The following TUSC3 variants were observed in gnomAD, a reference collection of about 807,000 sequenced individuals.
The protein encoded by TUSC3 is dolichyl-diphosphooligosaccharide--protein glycosyltransferase subunit TUSC3.
Under a neutral mutation model 44.8 loss-of-function variants are expected in TUSC3, and 45 were observed. The ratio of observed to expected loss-of-function variants is 1.00; its 90% CI spans 0.79 to 1.29. The LOEUF is 1.29. TUSC3 is among the 50% of genes most tolerant of loss of function. The pLI, the probability that TUSC3 is intolerant of heterozygous loss-of-function variation, is 0.00. For synonymous variants in TUSC3, 212 were observed against 152.9 expected, an observed-to-expected ratio of 1.39 and a Z score of -2.85; for missense variants, 519 against 437.9, an observed-to-expected ratio of 1.19 and a Z score of -1.65.
the TUSC3 span, among the ~76,000 whole-genome samples, chr8:15,799,746 G>T: frequency 9.1e-3 from 1,383 of 152,276 alleles, 61 homozygotes; most frequent in East Asian, 0.13. Flanking sequence ...TGCCAGAACT[G>T]TCAAGGACTA....
intron 2 of TUSC3, among the ~76,000 whole-genome samples, chr8:15,647,800 T>C (rs1305571436): frequency 2.6e-5 from 4 of 152,238 alleles, no homozygotes; most frequent in South Asian, 4.1e-4. Context: ...CGTGCAATTT[T>C]AAATAGAAAA....
intron 9 of TUSC3, among the ~76,000 whole-genome samples, chr8:15,749,732 G>GTTTTTTT (rs71211080): frequency 7.1e-6 from 1 of 140,386 alleles, no homozygotes; most frequent in African/African-American, 2.6e-5. Flanking sequence ...GAAAGATGAA[G>GTTTTTTT]TTTTTTTTTT....
At chr8:15,797,626 T>C in the TUSC3 span, among the ~76,000 whole-genome samples, 313 of 152,308 alleles carry the variant, frequency 2.1e-3, 3 homozygotes, top group Non-Finnish European at 1.5e-3. Flanking sequence ...TGCTAAATCC[T>C]GACCTGCTCC....
chr8:15,563,927 G>T (rs1402448285), intron 1 of TUSC3, among the ~76,000 whole-genome samples: 1 of 152,038 alleles, frequency 6.6e-6, no homozygotes, highest in African/African-American at 2.4e-5. Flanking sequence ...TTTTCATGAG[G>T]ATATGAACAA....
intron 2 of TUSC3, among the ~76,000 whole-genome samples, chr8:15,532,190 T>C (rs942276063): frequency 6.6e-6 from 1 of 152,338 alleles, no homozygotes; most frequent in Middle Eastern, 3.4e-3. Context: ...ACTTTTGCTG[T>C]TTCTGTTCCT....
intron 2 of TUSC3, among the ~76,000 whole-genome samples, chr8:15,492,029 C>T (rs1229793982): frequency 6.6e-6 from 1 of 152,216 alleles, no homozygotes; most frequent in African/African-American, 2.4e-5. Context: ...GTGGCTCCTG[C>T]TTCCTGAAAT....
intron 1 of TUSC3, among the ~76,000 whole-genome samples, chr8:15,455,196 G>T (rs1021293535): frequency 1.3e-5 from 2 of 152,090 alleles, no homozygotes; most frequent in African/African-American, 4.8e-5. Context: ...CATACCAAGT[G>T]ACCTCTGGCA....
chr8:15,695,301 G>T (rs565016030), intron 6 of TUSC3, among the ~76,000 whole-genome samples: 3 of 152,322 alleles, frequency 2.0e-5, no homozygotes, highest in Non-Finnish European at 2.9e-5. Context: ...TCATGATAGT[G>T]AATAAGTCTT....
intron 2 of TUSC3, among the ~76,000 whole-genome samples, chr8:15,521,858 A>C (rs910189086): frequency 6.6e-6 from 1 of 152,202 alleles, no homozygotes; most frequent in Admixed American, 6.5e-5. Flanking sequence ...CTGCTCTTTA[A>C]GGTTGTACAT....
intron 5 of TUSC3, among the ~76,000 whole-genome samples, chr8:15,673,244 C>T (rs1378006201): frequency 6.6e-6 from 1 of 152,010 alleles, no homozygotes; most frequent in African/African-American, 2.4e-5. Context: ...TAAACATCTT[C>T]TGAATTTACT....
intron 2 of TUSC3, among the ~76,000 whole-genome samples, chr8:15,484,223 C>T (rs976149021): frequency 3.3e-5 from 5 of 151,932 alleles, no homozygotes; most frequent in Non-Finnish European, 4.4e-5. Flanking sequence ...CATAAATTTG[C>T]TAATTGTTTT....
the TUSC3 span, among the ~76,000 whole-genome samples, chr8:15,802,577 G>A: frequency 2.6e-5 from 4 of 151,914 alleles, no homozygotes; most frequent in African/African-American, 7.3e-5. Context: ...GCACGCCACC[G>A]TGCCCAGCTA....
chr8:15,582,103 C>T (rs979341777), intron 1 of TUSC3, among the ~76,000 whole-genome samples: 7 of 150,866 alleles, frequency 4.6e-5, no homozygotes, highest in African/African-American at 4.8e-5. Flanking sequence ...TTCTTTGACT[C>T]GGAAAGGGAA....
At chr8:15,801,738 G>A in the TUSC3 span, among the ~76,000 whole-genome samples, 1 of 152,138 alleles carries the variant, frequency 6.6e-6, no homozygotes, top group African/African-American at 2.4e-5. Context: ...GCTGGGCTCA[G>A]AGGGGTTCTA....
chr8:15,468,860 A>C (rs1800448447), intron 1 of TUSC3, among the ~76,000 whole-genome samples: 1 of 151,944 alleles, frequency 6.6e-6, no homozygotes, highest in Non-Finnish European at 1.5e-5. Flanking sequence ...ATATTAAAAT[A>C]TTTTCCATGA....
At chr8:15,495,648 G>A (rs935369026) in intron 2 of TUSC3, among the ~76,000 whole-genome samples, 1 of 152,070 alleles carries the variant, frequency 6.6e-6, no homozygotes, top group African/African-American at 2.4e-5. Context: ...GCTCCCTTTG[G>A]GGGGCAGTAT....
chr8:15,747,065 C>T (rs1811448016), intron 8 of TUSC3, among the ~76,000 whole-genome samples: 1 of 152,084 alleles, frequency 6.6e-6, no homozygotes, highest in East Asian at 1.9e-4. Context: ...TGTTGTTTCA[C>T]AATTCATATT....
chr8:15,686,861 G>T (rs534436129), intron 6 of TUSC3, among the ~76,000 whole-genome samples: 19 of 151,998 alleles, frequency 1.3e-4, no homozygotes, highest in African/African-American at 4.3e-4. Context: ...AAGGTCAGGA[G>T]ATCGAGACCA....
chr8:15,441,187 G>A (rs909281337), intron 1 of TUSC3, among the ~76,000 whole-genome samples: 3 of 152,170 alleles, frequency 2.0e-5, no homozygotes, highest in Non-Finnish European at 2.9e-5. Context: ...CAGGTGGATC[G>A]CCACAGGTCA....
Sources: allele counts gnomAD v4.1 joint callset (sites outside exome capture counted in the v4.1 genomes callset), GRCh38; gene constraint gnomAD v4.1.1; transcripts MANE v1.5; gene names NCBI Gene and HGNC (gene_info 2026-07-23, HGNC 2026-07-21).